The following CAMK4 variants were observed in gnomAD, a reference collection of about 807,000 sequenced individuals.
The protein encoded by CAMK4 is calcium/calmodulin-dependent protein kinase type IV.
CAMK4 carries 22 observed loss-of-function variants against 44.9 expected under a neutral mutation model. That is an observed-to-expected ratio of 0.49 (90% CI 0.35 to 0.70). The LOEUF is 0.70. CAMK4 is among the 30% of genes least tolerant of loss of function. The pLI is 0.01. For missense variants in CAMK4, 498 were observed against 586.8 expected (o/e 0.85, Z 1.56); for synonymous variants, 218 against 215.4 (o/e 1.01, Z -0.11).
intron 2 of CAMK4, among the ~76,000 whole-genome samples, chr5:111,368,725 T>A (rs1750889991): frequency 6.6e-6 from 1 of 152,102 alleles, no homozygotes; most frequent in Non-Finnish European, 1.5e-5. Flanking sequence ...GACTCGTAAA[T>A]CAGGTTTTGT....
chr5:111,341,306 T>C (rs1274937375), intron 1 of CAMK4, among the ~76,000 whole-genome samples: 1 of 151,258 alleles, frequency 6.6e-6, no homozygotes, highest in Non-Finnish European at 1.5e-5. Flanking sequence ...TTCTATGTTT[T>C]TTAAGAGAAA....
At position 111,224,735 on chromosome 5, in the gene CAMK4, C is replaced by A; in HGVS notation, c.161+91C>A. 2 of 1,223,084 alleles carry A rather than the reference C, an allele frequency of 1.6e-6. No homozygotes were observed. Among genetic ancestry groups the A allele is most frequent in the Non-Finnish European group, 2.3e-6 (2 of 880,866 alleles). The allele number at this position is 1,223,084 out of a possible 1,614,324, so 75.8% of individuals were successfully genotyped here. A position where few individuals can be genotyped will look rare whatever the true frequency, so the allele number is the denominator to read the frequency against. On this transcript the variant is annotated intron_variant, in intron 1 of 10. Transcript: ENST00000282356. The surrounding 1 kb of genome is among the most constrained non-coding windows in gnomAD (Gnocchi z 5.7). ...CGGCTCGGAGGGTGCGGGAGCCTGC[C>A]TTCGTGCCCTTCGATTTCTCCCTAC... is the stretch of plus-strand genomic sequence containing the variant.
At chr5:111,479,691 G>A (rs192901103) in intron 9 of CAMK4, among the ~76,000 whole-genome samples, 1 of 152,172 alleles carries the variant, frequency 6.6e-6, no homozygotes, top group Admixed American at 6.5e-5. Flanking sequence ...TTTTCTTCAA[G>A]CATTTCTTCC....
chr5:111,460,347 C>T (rs900870803), intron 7 of CAMK4, among the ~76,000 whole-genome samples: 1 of 143,874 alleles, frequency 7.0e-6, no homozygotes. Context: ...TCTTGGCTCA[C>T]TGCAACCTCC....
In CAMK4 at chr5:111,249,553, A is replaced by G. The variant is rs187897595; in HGVS notation, c.161+24909A>G. On this transcript the variant is annotated intron_variant, in intron 1 of 10. Coordinates refer to ENST00000282356, the MANE Select transcript of CAMK4 (RefSeq NM_001744.6). ...ATGTTAGATAAACAAAAGGCTGACT[A>G]TGAAAATGACTTTCAATCCCATTAC... Among the ~76,000 whole-genome samples, 364 of 151,314 alleles carry G rather than the reference A, an allele frequency of 2.4e-3. 5 individuals carry two copies. The South Asian group carries it at 0.028, about 12-fold the overall frequency.
intron 1 of CAMK4, among the ~76,000 whole-genome samples, chr5:111,250,311 A>T (rs1185116393): frequency 6.6e-6 from 1 of 152,204 alleles, no homozygotes; most frequent in African/African-American, 2.4e-5. Flanking sequence ...GGAGAGAATC[A>T]TGTTGCTTTC....
chr5:111,314,091 AAACT>A, intron 1 of CAMK4, among the ~76,000 whole-genome samples: 1 of 152,256 alleles, frequency 6.6e-6, no homozygotes, highest in Admixed American at 6.5e-5. Context: ...AGTAATGGAA[AAACT>A]AATACATTAT....
At position 111,396,631 on chromosome 5, in the gene CAMK4, C is replaced by CTTTTTTTTTTTTTTTTTTTTTTTTT. The variant is rs540495109; in HGVS notation, c.459+1852_459+1876dup. 1.3e-4 allele frequency among the ~76,000 whole-genome samples: 6 copies of CTTTTTTTTTTTTTTTTTTTTTTTTT among 47,014 alleles called. 2 individuals carry two copies. Among genetic ancestry groups the CTTTTTTTTTTTTTTTTTTTTTTTTT allele is most frequent in the African/African-American group, 1.7e-4 (2 of 11,444 alleles). 30.8% of individuals were successfully genotyped at this position (47,014 alleles called of 152,430 possible). Reference sequence around the variant, plus strand: ...ACTTTAATTGCCATTAACTCATATTCTTTTTTTTTTTTTTTTTTTTTTTTT... The same window carrying CTTTTTTTTTTTTTTTTTTTTTTTTT: ...ACTTTAATTGCCATTAACTCATATTCTTTTTTTTTTTTTTTTTTTTTTTTTTTTTTTTTTTTTTTTTTTTTTTTTT... On this transcript the variant is annotated intron_variant, in intron 5 of 10. Transcript: ENST00000282356.
intron 8 of CAMK4, among the ~76,000 whole-genome samples, 189 bp downstream of exon 8, chr5:111,473,575 G>C (rs1003684341): frequency 1.3e-5 from 2 of 152,044 alleles, no homozygotes; most frequent in African/African-American, 4.8e-5. Context: ...GAATTTTCTT[G>C]AGACCGGAAT....
chr5:111,418,596 C>G (rs1437272181), intron 5 of CAMK4, among the ~76,000 whole-genome samples: 1 of 150,710 alleles, frequency 6.6e-6, no homozygotes, highest in Non-Finnish European at 1.5e-5. Context: ...TCCCACCTCC[C>G]CCCACCCCAC....
chr5:111,426,320 A>G (rs1321357898), intron 5 of CAMK4, among the ~76,000 whole-genome samples: 1 of 152,248 alleles, frequency 6.6e-6, no homozygotes. Flanking sequence ...ATATACCTCA[A>G]CTAGAGAAAG....
At chr5:111,376,974 A>C in intron 4 of CAMK4, 32 bp downstream of exon 4, 2 of 1,454,576 alleles carry the variant, frequency 1.4e-6, no homozygotes, top group Non-Finnish European at 1.9e-6. Context: ...AACCACAGAA[A>C]GGTTTGCTTT....
intron 5 of CAMK4, among the ~76,000 whole-genome samples, chr5:111,421,651 T>TTTTG (rs1375960739): frequency 2.0e-5 from 3 of 152,200 alleles, no homozygotes; most frequent in African/African-American, 4.8e-5. Context: ...TGTCTTGTTT[T>TTTTG]TTTGTTTGTT....
chr5:111,484,094 G>A lies in CAMK4; in HGVS notation c.1050G>A (p.Gln350=), dbSNP rs772803470. ...GSASSSHGSI[Q]ESHKASRDPS... ...CCAGCAGCAGCCATGGCAGCATCCA[G>A]GAGAGCCACAAGGCTAGCCGAGACC... Residue 350 remains glutamine, a synonymous_variant, in exon 11 of 11, where the codon CAG becomes CAA. Transcript: ENST00000282356. The surrounding 1 kb of genome is among the most constrained non-coding windows in gnomAD (Gnocchi z 5.3). 3 of 1,613,682 alleles carry A rather than the reference G, an allele frequency of 1.9e-6. No homozygotes were observed. The East Asian group carries it at 6.7e-5, about 36-fold the overall frequency.
intron 1 of CAMK4, among the ~76,000 whole-genome samples, chr5:111,255,833 C>T (rs939990225): frequency 6.6e-6 from 1 of 152,194 alleles, no homozygotes. Context: ...TGTTTTATAC[C>T]GCTTAAAATG....
intron 1 of CAMK4, among the ~76,000 whole-genome samples, chr5:111,325,161 C>G (rs576021132): frequency 6.6e-6 from 1 of 151,806 alleles, no homozygotes; most frequent in South Asian, 2.1e-4. Flanking sequence ...CATCCATGTC[C>G]CTGCAAAGGA....
chr5:111,381,941 A>AAGGTTAG (rs2112837393), intron 4 of CAMK4, among the ~76,000 whole-genome samples: 1 of 151,786 alleles, frequency 6.6e-6, no homozygotes, highest in East Asian at 1.9e-4. Context: ...AGAATTAGTA[A>AAGGTTAG]TGATCTTCCC....
chr5:111,436,835 T>G (rs757185939), intron 5 of CAMK4, among the ~76,000 whole-genome samples: 31 of 152,212 alleles, frequency 2.0e-4, no homozygotes, highest in Non-Finnish European at 3.5e-4. Context: ...AACTAACAGC[T>G]GAATTTTCAA....
At position 111,491,393 on chromosome 5, in the gene CAMK4, G is replaced by A. The variant is rs990218812; in HGVS notation, c.*6927G>A. 2 of 151,242 alleles carry A rather than the reference G, an allele frequency of 1.3e-5. No homozygotes were observed. The highest frequency in any genetic ancestry group is 2.9e-5 in the Non-Finnish European group (2 of 67,884). 9.4% of individuals were successfully genotyped at this position (151,242 alleles called of 1,614,324 possible). A position where few individuals can be genotyped will look rare whatever the true frequency, so the allele number is the denominator to read the frequency against. ...TTTCATGGCACCCCAATGCCTTTTT[G>A]GTGACTTGCAGGAATACAGATTCCT... On this transcript the variant is annotated 3_prime_UTR_variant, in exon 11 of 11. Transcript: ENST00000282356.
Sources: gnomAD v4.1 joint callset for allele counts (sites outside exome capture counted in the v4.1 genomes callset) on GRCh38, gnomAD v4.1.1 for gene constraint, Gnocchi (gnomAD v3.1) non-coding constraint, MANE v1.5 for transcripts, NCBI Gene and HGNC (gene_info 2026-07-23, HGNC 2026-07-21) for gene names.